The following ENTPD1 variants were observed in gnomAD, a reference collection of about 807,000 sequenced individuals.
ENTPD1 encodes ectonucleoside triphosphate diphosphohydrolase 1.
In ENTPD1, 33 loss-of-function variants were observed where a neutral mutation model predicts 57.0. The ratio of observed to expected loss-of-function variants is 0.58; its 90% CI spans 0.44 to 0.77. The LOEUF (loss-of-function observed/expected upper bound fraction) is 0.77, where lower values mean the gene tolerates loss of function less well. ENTPD1 is among the 30% of genes least tolerant of loss of function. The pLI is 0.00. For missense variants in ENTPD1, 501 were observed against 603.4 expected (o/e 0.83, Z 1.78); for synonymous variants, 202 against 218.8 (o/e 0.92, Z 0.68).
intron 1 of ENTPD1, among the ~76,000 whole-genome samples, chr10:95,720,705 G>A (rs6584017): frequency 0.5 from 75,696 of 151,970 alleles, 19,349 homozygotes; most frequent in East Asian, 0.74. Flanking sequence ...GAGGACCTTC[G>A]TCCCCTGGGG....
intron 8 of ENTPD1, 69 bp from the exon 9 acceptor site, chr10:95,864,655 T>C (rs1017291137): frequency 3.1e-6 from 5 of 1,596,620 alleles, no homozygotes; most frequent in Admixed American, 3.3e-5. Context: ...TCAGGGCTAG[T>C]AGAGAAAAAG....
intron 1 of ENTPD1, among the ~76,000 whole-genome samples, chr10:95,813,636 T>C (rs1304888484): frequency 6.6e-6 from 1 of 152,124 alleles, no homozygotes; most frequent in African/African-American, 2.4e-5. Flanking sequence ...CCATTCCATC[T>C]TGGCCGAGAA....
intron 2 of ENTPD1, among the ~76,000 whole-genome samples, chr10:95,830,407 A>G (rs2098392607): frequency 6.6e-6 from 1 of 152,158 alleles, no homozygotes; most frequent in South Asian, 2.1e-4. Flanking sequence ...TCAAGCTTGG[A>G]TCCATGTTAG....
At chr10:95,813,712 A>G (rs569048727) in intron 1 of ENTPD1, among the ~76,000 whole-genome samples, 1 of 152,328 alleles carries the variant, frequency 6.6e-6, no homozygotes, top group Admixed American at 6.5e-5. Context: ...TGGGGGGCTT[A>G]GAATTTTATT....
chr10:95,828,709 A>ATTTTT (rs5787162), intron 2 of ENTPD1, among the ~76,000 whole-genome samples: 1 of 132,146 alleles, frequency 7.6e-6, no homozygotes, highest in Non-Finnish European at 1.6e-5. Context: ...GGTTATCCCC[A>ATTTTT]TTTTTTTTTT....
At chr10:95,759,205 C>T (rs918177008) in intron 1 of ENTPD1, among the ~76,000 whole-genome samples, 1 of 152,212 alleles carries the variant, frequency 6.6e-6, no homozygotes, top group Non-Finnish European at 1.5e-5. Context: ...CAGTAGGGTT[C>T]CCCACTGGTA....
At chr10:95,774,963 G>A (rs1332449689) in intron 1 of ENTPD1, among the ~76,000 whole-genome samples, 2 of 152,168 alleles carry the variant, frequency 1.3e-5, no homozygotes, top group Non-Finnish European at 2.9e-5. Context: ...CTATCCATGA[G>A]CATGGAATGT....
the ENTPD1 span, among the ~76,000 whole-genome samples, chr10:95,701,472 A>G: frequency 6.6e-6 from 1 of 152,242 alleles, no homozygotes; most frequent in Non-Finnish European, 1.5e-5. Context: ...TAGACTAGGT[A>G]AATCCACCAT....
chr10:95,800,299 A>C (rs1049899563), intron 1 of ENTPD1, among the ~76,000 whole-genome samples: 1 of 152,144 alleles, frequency 6.6e-6, no homozygotes, highest in African/African-American at 2.4e-5. Flanking sequence ...GCAAGTTTTT[A>C]TTAGGGATTT....
chr10:95,873,217 C>T lies in ENTPD1; in HGVS notation c.*6834C>T, dbSNP rs11542152. The T allele has an allele frequency of 0.043, 42,820 of 985,200 alleles. 992 individuals carry two copies. The highest frequency in any genetic ancestry group is 0.047 in the Non-Finnish European group (39,173 of 829,742). The allele number at this position is 985,200 out of a possible 1,614,324, so 61.0% of individuals were successfully genotyped here. A position where few individuals can be genotyped will look rare whatever the true frequency, so the allele number is the denominator to read the frequency against. Reference sequence around the variant, plus strand: ...TTATCATTCCAAAGAGTTTCTTTTACAGGCTCTCAGATCAGTGTTCATCCA... The same window carrying T: ...TTATCATTCCAAAGAGTTTCTTTTATAGGCTCTCAGATCAGTGTTCATCCA... On this transcript the variant is annotated 3_prime_UTR_variant, in exon 10 of 10. Coordinates refer to ENST00000371205, the MANE Select transcript of ENTPD1 (RefSeq NM_001776.6).
chr10:95,871,315 T>C lies in ENTPD1; in HGVS notation c.*4932T>C. On this transcript the variant is annotated 3_prime_UTR_variant, in exon 10 of 10. Transcript: ENST00000371205. ...TCTGTTTATCTCACCAAAGAAATAT[T>C]ATCTTTAAAAAATGTCATTACTTCT... The C allele has an allele frequency of 1.0e-6, 1 of 985,212 alleles. No homozygotes were observed. Among genetic ancestry groups the C allele is most frequent in the South Asian group, 4.7e-5 (1 of 21,290 alleles). The allele number at this position is 985,212 out of a possible 1,614,324, so 61.0% of individuals were successfully genotyped here.
chr10:95,748,027 A>G (rs1393519166), intron 1 of ENTPD1, among the ~76,000 whole-genome samples: 1 of 151,992 alleles, frequency 6.6e-6, no homozygotes, highest in Non-Finnish European at 1.5e-5. Flanking sequence ...ATGCGCCACC[A>G]TGCCCGGCTA....
the ENTPD1 span, among the ~76,000 whole-genome samples, chr10:95,704,591 T>C: frequency 1.3e-5 from 2 of 152,118 alleles, no homozygotes; most frequent in Non-Finnish European, 2.9e-5. Context: ...TGGATATTTA[T>C]AGGGATGACA....
Position 95,868,851 on chromosome 10 carries a change from C to T in ENTPD1, c.*2468C>T, listed in dbSNP as rs971229405. On this transcript the variant is annotated 3_prime_UTR_variant, in exon 10 of 10. Transcript: ENST00000371205. ...TTGCCTACGTCCAATCTCCCCCTCCCCAGAGATGCCAAAAAAAAAATCCTT... is the reference window on the plus strand; with the variant it reads ...TTGCCTACGTCCAATCTCCCCCTCCTCAGAGATGCCAAAAAAAAAATCCTT... 1.0e-6 allele frequency: 1 copy of T among 985,276 alleles called. No individual in the cohort carries two copies. Among genetic ancestry groups the T allele is most frequent in the African/African-American group, 1.7e-5 (1 of 57,300 alleles). 61.0% of individuals were successfully genotyped at this position (985,276 alleles called of 1,614,324 possible).
chr10:95,731,342 C>T (rs184442955), intron 1 of ENTPD1, among the ~76,000 whole-genome samples: 1 of 152,258 alleles, frequency 6.6e-6, no homozygotes, highest in Non-Finnish European at 1.5e-5. Context: ...TTCCTCAGCT[C>T]CTTCCCTGCT....
chr10:95,760,990 C>T lies in ENTPD1; in HGVS notation c.16+4735C>T, dbSNP rs553975155. On this transcript the variant is annotated intron_variant, in intron 1 of 9. Coordinates refer to ENST00000371205, the MANE Select transcript of ENTPD1 (RefSeq NM_001776.6). ...GACTACAGGCGCCTGCCACTACACC[C>T]GGCTAATTTTTTGTAATTTTTAGTA... Among the ~76,000 whole-genome samples, 290 of 151,976 alleles carry T rather than the reference C, an allele frequency of 1.9e-3. 5 individuals carry two copies. The highest frequency in any genetic ancestry group is 6.1e-3 in the African/African-American group (253 of 41,446).
At chr10:95,719,341 G>A (rs966095671) in intron 1 of ENTPD1, among the ~76,000 whole-genome samples, 5 of 152,308 alleles carry the variant, frequency 3.3e-5, no homozygotes, top group South Asian at 2.1e-4. Flanking sequence ...CTGGAAAGCC[G>A]CTTCTGCTTC....
chr10:95,796,868 C>T (rs1407629882), intron 1 of ENTPD1, among the ~76,000 whole-genome samples: 2 of 151,982 alleles, frequency 1.3e-5, no homozygotes, highest in East Asian at 3.9e-4. Flanking sequence ...CACTTGAGGC[C>T]AGGAGTTTGA....
the ENTPD1 span, among the ~76,000 whole-genome samples, chr10:95,700,861 C>T: frequency 1.3e-5 from 2 of 150,404 alleles, no homozygotes; most frequent in African/African-American, 2.4e-5. Context: ...GGCATGATCT[C>T]GGCTCACTGC....
Sources: gnomAD v4.1 joint callset for allele counts (sites outside exome capture counted in the v4.1 genomes callset) on GRCh38, gnomAD v4.1.1 for gene constraint, MANE v1.5 for transcripts, NCBI Gene and HGNC (gene_info 2026-07-23, HGNC 2026-07-21) for gene names.